Variants in HECW2 observed in about 807,000 individuals in gnomAD.
HECW2 encodes the protein HECT, C2 and WW domain containing E3 ubiquitin protein ligase 2, also known as E3 ubiquitin-protein ligase HECW2.
HECW2 carries 61 observed loss-of-function variants against 175.2 expected under a neutral mutation model. The observed-to-expected ratio is 0.35, with a 90% CI of 0.28 to 0.43. HECW2 has a LOEUF of 0.43. Among genes scored for constraint, HECW2 ranks in the 20% least tolerant of loss-of-function variants. The pLI is 1.00. For missense variants in HECW2, 1,524 were observed against 2,000.5 expected (o/e 0.76, Z 4.54); for synonymous variants, 671 against 731.0 (o/e 0.92, Z 1.32).
At chr2:196,249,776 C>T (rs1688788679) in intron 19 of HECW2, among the ~76,000 whole-genome samples, 1 of 152,170 alleles carries the variant, frequency 6.6e-6, no homozygotes, top group South Asian at 2.1e-4. Flanking sequence ...TCAGGCTGTA[C>T]AACCCAGTTT....
chr2:196,268,378 G>T (rs1220529018), intron 17 of HECW2, among the ~76,000 whole-genome samples: 2 of 151,854 alleles, frequency 1.3e-5, no homozygotes, highest in Non-Finnish European at 2.9e-5. Context: ...TTAGAAGAAA[G>T]ATTATGCTTA....
intron 2 of HECW2, among the ~76,000 whole-genome samples, chr2:196,413,352 C>CT (rs563452309): frequency 4.3e-4 from 64 of 147,376 alleles, no homozygotes; most frequent in South Asian, 1.5e-3. Context: ...AAGACCCTGT[C>CT]TTTTTTTTTT....
intron 2 of HECW2, among the ~76,000 whole-genome samples, chr2:196,351,219 A>G (rs1344182148): frequency 6.6e-6 from 1 of 152,152 alleles, no homozygotes; most frequent in Non-Finnish European, 1.5e-5. Context: ...AGCTAAAATA[A>G]TTTAAACAGA....
chr2:196,577,753 A>T (rs1411369569), intron 1 of HECW2, among the ~76,000 whole-genome samples: 6 of 152,204 alleles, frequency 3.9e-5, no homozygotes, highest in Non-Finnish European at 8.8e-5. Context: ...AGTCCAAGGC[A>T]ATTAAGGAAA....
chr2:196,324,985 G>A lies in HECW2; in HGVS notation c.736C>T (p.Arg246Ter), dbSNP rs1383783174. 3 of 1,570,604 alleles carry A rather than the reference G, an allele frequency of 1.9e-6. No homozygotes were observed. The highest frequency in any genetic ancestry group is 2.6e-6 in the Non-Finnish European group (3 of 1,162,614). The change falls in exon 6 of 29, where the codon CGA becomes TGA. Residue 246 changes from arginine to a stop codon, truncating the protein, a stop_gained. Coordinates refer to ENST00000644978, the MANE Select transcript of HECW2 (RefSeq NM_001348768.2). LOFTEE classifies it high-confidence loss of function. ...ISNTTNPIWH[R>*]EKYSFFALLT... ...ACCCCCGAGGATCATCTTACCTCTC[G>A]GTGCCAAATTGGATTGGTGGTGTTA...
intron 1 of HECW2, among the ~76,000 whole-genome samples, chr2:196,503,515 C>T (rs915894035): frequency 6.6e-6 from 1 of 152,136 alleles, no homozygotes; most frequent in African/African-American, 2.4e-5. Context: ...GGGAAAAACA[C>T]ATACTATCCT....
intron 3 of HECW2, among the ~76,000 whole-genome samples, chr2:196,342,744 T>C (rs1235569991): frequency 6.6e-6 from 1 of 152,204 alleles, no homozygotes; most frequent in Non-Finnish European, 1.5e-5. Flanking sequence ...AGCCCGTCTA[T>C]TTCATCAACA....
chr2:196,307,111 C>G lies in HECW2; in HGVS notation c.2689+19G>C. On this transcript the variant is annotated intron_variant, in intron 12 of 28. Coordinates refer to ENST00000644978, the MANE Select transcript of HECW2 (RefSeq NM_001348768.2). ...TTCCACTTTTATGAAATTACAAAAA[C>G]AAAGCCCAAAGCTCTTACCTGCACT... is the stretch of plus-strand genomic sequence containing the variant. 6.5e-7 allele frequency: 1 copy of G among 1,540,108 alleles called. No individual in the cohort carries two copies. The highest frequency in any genetic ancestry group is 1.1e-5 in the South Asian group (1 of 88,182).
intron 13 of HECW2, among the ~76,000 whole-genome samples, chr2:196,293,470 C>CAGGT (rs1690683071): frequency 6.6e-6 from 1 of 152,132 alleles, no homozygotes. Flanking sequence ...CATATATGTG[C>CAGGT]AGGTATCTTT....
intron 1 of HECW2, among the ~76,000 whole-genome samples, chr2:196,522,581 A>T (rs1688444338): frequency 1.3e-5 from 2 of 152,200 alleles, no homozygotes; most frequent in South Asian, 4.2e-4. Flanking sequence ...GGTAATGCCT[A>T]GGTTTTCTTC....
intron 16 of HECW2, 41 bp from the exon 17 acceptor site, chr2:196,271,330 T>C (rs767505020): frequency 2.1e-6 from 3 of 1,421,818 alleles, no homozygotes; most frequent in African/African-American, 2.8e-5. Context: ...TAAAAAAGAA[T>C]CTATTTTTAG....
chr2:196,527,224 G>A (rs999360437), intron 1 of HECW2, among the ~76,000 whole-genome samples: 2 of 152,240 alleles, frequency 1.3e-5, no homozygotes, highest in African/African-American at 4.8e-5. Flanking sequence ...ATATTCGGGT[G>A]GGAGTGACCC....
intron 2 of HECW2, among the ~76,000 whole-genome samples, chr2:196,355,535 T>A (rs532825625): frequency 6.6e-5 from 10 of 152,288 alleles, no homozygotes; most frequent in African/African-American, 2.4e-4. Context: ...AAGAGCAGAG[T>A]AAATGCTCTT....
chr2:196,442,736 AAG>A (rs1049967782), intron 1 of HECW2, among the ~76,000 whole-genome samples: 71 of 152,170 alleles, frequency 4.7e-4, no homozygotes, highest in African/African-American at 1.6e-3. Flanking sequence ...ACATAGAAAA[AAG>A]AGTATACTTT....
intron 1 of HECW2, among the ~76,000 whole-genome samples, chr2:196,452,794 T>TAA (rs201131840): frequency 0.014 from 1,493 of 105,654 alleles, 25 homozygotes; most frequent in African/African-American, 0.046. Context: ...CCCAAAGCAC[T>TAA]AAAAAAAAAA....
chr2:196,514,850 C>T (rs1688094181), intron 1 of HECW2, among the ~76,000 whole-genome samples: 1 of 152,190 alleles, frequency 6.6e-6, no homozygotes, highest in South Asian at 2.1e-4. Context: ...TGTCCGCACA[C>T]CTCATTCTTC....
chr2:196,512,693 CTT>C (rs753919610), intron 1 of HECW2, among the ~76,000 whole-genome samples: 1 of 144,940 alleles, frequency 6.9e-6, no homozygotes, highest in East Asian at 2.0e-4. Flanking sequence ...CCAGATTATA[CTT>C]TTTTTTTTTT....
intron 1 of HECW2, among the ~76,000 whole-genome samples, chr2:196,477,943 TA>T (rs1432308972): frequency 2.0e-5 from 3 of 151,914 alleles, no homozygotes; most frequent in Non-Finnish European, 2.9e-5. Context: ...TTCCAGCTAC[TA>T]GGGGGGCTGA....
At chr2:196,350,503 G>T (rs999861280) in intron 2 of HECW2, among the ~76,000 whole-genome samples, 2 of 152,224 alleles carry the variant, frequency 1.3e-5, no homozygotes, top group Admixed American at 1.3e-4. Flanking sequence ...GTACCATAAA[G>T]ACCACATTTT....
Sources: allele counts gnomAD v4.1 joint callset (sites outside exome capture counted in the v4.1 genomes callset), GRCh38; gene constraint gnomAD v4.1.1; transcripts MANE v1.5; gene names NCBI Gene and HGNC (gene_info 2026-07-23, HGNC 2026-07-21).